ANKIB1: variants seen among roughly 807,000 people sequenced by gnomAD.
ANKIB1 encodes the protein ankyrin repeat and IBR domain-containing protein 1.
ANKIB1 carries 43 observed loss-of-function variants against 122.1 expected under a neutral mutation model. The observed-to-expected ratio is 0.35, with a 90% confidence interval of 0.28 to 0.45. The LOEUF is 0.45. Among genes scored for constraint, ANKIB1 ranks in the 20% least tolerant of loss-of-function variants. ANKIB1 has a pLI of 1.00. For missense variants in ANKIB1, 992 were observed against 1,329.5 expected (o/e 0.75, Z 3.95); for synonymous variants, 390 against 442.0 (o/e 0.88, Z 1.48).
chr7:92,325,988 T>C (rs1284964466), intron 4 of ANKIB1: 1 of 441,988 alleles, frequency 2.3e-6, no homozygotes, highest in African/African-American at 2.0e-5. Flanking sequence ...GCAGTTTATC[T>C]TTGCAACAGG....
chr7:92,260,064 T>G (rs1226770553), intron 1 of ANKIB1, among the ~76,000 whole-genome samples: 1 of 152,154 alleles, frequency 6.6e-6, no homozygotes, highest in Non-Finnish European at 1.5e-5. Flanking sequence ...GCTAGGCTAG[T>G]CCTGTTAAAT....
At chr7:92,283,993 TCTC>T (rs1802062170) in intron 1 of ANKIB1, among the ~76,000 whole-genome samples, 4 of 152,076 alleles carry the variant, frequency 2.6e-5, no homozygotes. Context: ...CTGGTCTCCA[TCTC>T]CTGACCTCGT....
At chr7:92,285,132 A>T (rs970158215) in intron 1 of ANKIB1, among the ~76,000 whole-genome samples, 1 of 152,126 alleles carries the variant, frequency 6.6e-6, no homozygotes, top group Admixed American at 6.5e-5. Flanking sequence ...CAGTGGCACT[A>T]TCTCGGCTCA....
chr7:92,328,760 C>G (rs2131958953), intron 5 of ANKIB1, among the ~76,000 whole-genome samples: 1 of 151,736 alleles, frequency 6.6e-6, no homozygotes, highest in South Asian at 2.1e-4. Context: ...TCTTTATGAT[C>G]TATACTAAAA....
Position 92,246,017 on chromosome 7 carries a change from G to A in ANKIB1, c.-593G>A, listed in dbSNP as rs553392669. On this transcript the variant is annotated 5_prime_UTR_variant, in exon 1 of 20. Coordinates refer to ENST00000265742, the MANE Select transcript of ANKIB1 (RefSeq NM_019004.2). ...CTGCCGTTCCTGCTCCTTTTCACTG[G>A]ACCTGCAGTCTCTCAGGGGCTGGTG... The A allele has an allele frequency of 2.3e-3, 604 of 257,024 alleles. 3 individuals are homozygous for A. Among genetic ancestry groups the A allele is most frequent in the Non-Finnish European group, 3.5e-3 (458 of 131,726 alleles). 15.9% of individuals were successfully genotyped at this position (257,024 alleles called of 1,614,324 possible).
rs541788043 is a variant in ANKIB1 at position 92,335,194 on chromosome 7, T to C, written c.787+7294T>C. Among the ~76,000 whole-genome samples the C allele has an allele frequency of 2.0e-5, 3 of 152,076 alleles. No individual in the cohort carries two copies. The East Asian group carries it at 5.8e-4, about 29-fold the overall frequency. On this transcript the variant is annotated intron_variant, in intron 5 of 19. Transcript: ENST00000265742. The stretch of plus-strand genomic sequence containing the variant: ...GCCTCATCTGTTATTTAGAATAATA[T>C]AGTCTAATTTTCAAATATTTGAGAT...
At chr7:92,310,019 A>G (rs1288678683) in intron 3 of ANKIB1, among the ~76,000 whole-genome samples, 1 of 148,496 alleles carries the variant, frequency 6.7e-6, no homozygotes, top group Non-Finnish European at 1.5e-5. Context: ...TTGCTTTAGT[A>G]GTTGTTGATT....
In ANKIB1 at chr7:92,352,572, T is replaced by C. The variant is rs1418222814; in HGVS notation, c.1327T>C (p.Ser443Pro). The C allele has an allele frequency of 6.2e-7, 1 of 1,613,552 alleles. No individual in the cohort carries two copies. The highest frequency in any genetic ancestry group is 1.7e-4 in the Middle Eastern group (1 of 6,060). ...GAAACAAGGGTCAAATACATCTGGA[T>C]CTGATACACTCAGCTTCCCATTGCT... ...LTKQGSNTSG[S>P]DTLSFPLLRA... Residue 443 changes from serine (S) to proline (P), a missense_variant, in exon 9 of 20, where the codon TCT becomes CCT. Ser to Pro is a moderately conservative substitution (Grantham distance 74). This residue lies in a region of ANKIB1 where 521 missense variants were observed against 777.7 expected (regional missense o/e 0.67). Coordinates refer to ENST00000265742, the MANE Select transcript of ANKIB1 (RefSeq NM_019004.2).
chr7:92,248,554 G>T (rs28437555), intron 1 of ANKIB1, among the ~76,000 whole-genome samples: 3,662 of 152,296 alleles, frequency 0.024, 158 homozygotes, highest in African/African-American at 0.084. Context: ...GAATGTCCTT[G>T]AAATGAAGTT....
intron 5 of ANKIB1, among the ~76,000 whole-genome samples, chr7:92,339,832 TTGTC>T (rs1220302675): frequency 2.0e-5 from 3 of 152,010 alleles, no homozygotes; most frequent in Admixed American, 2.0e-4. Context: ...AGTTTATAGG[TTGTC>T]TATCATTTTT....
chr7:92,309,656 G>A (rs1348287710), intron 3 of ANKIB1, among the ~76,000 whole-genome samples: 1 of 151,932 alleles, frequency 6.6e-6, no homozygotes, highest in East Asian at 1.9e-4. Context: ...GCCGGGCACG[G>A]TGGCTCACAC....
chr7:92,389,061 A>G (rs928057533), intron 14 of ANKIB1, among the ~76,000 whole-genome samples: 1 of 152,164 alleles, frequency 6.6e-6, no homozygotes, highest in Admixed American at 6.6e-5. Flanking sequence ...CCTTAACAAC[A>G]TTCAATATTT....
Position 92,343,235 on chromosome 7 carries a change from A to G in ANKIB1, c.996+3A>G. The G allele has an allele frequency of 6.2e-7, 1 of 1,611,582 alleles. No individual in the cohort carries two copies. Among genetic ancestry groups the G allele is most frequent in the Non-Finnish European group, 8.5e-7 (1 of 1,178,124 alleles). ...CTGGGGATTTAGACACCAGTTTGGT[A>G]TGGTTTGGTATTCACTGTACTTCTC... On this transcript the variant is annotated splice_donor_region_variant and intron_variant, in intron 6 of 19. Coordinates refer to ENST00000265742, the MANE Select transcript of ANKIB1 (RefSeq NM_019004.2).
At chr7:92,283,162 T>C (rs145161916) in intron 1 of ANKIB1, among the ~76,000 whole-genome samples, 109 of 152,304 alleles carry the variant, frequency 7.2e-4, no homozygotes, top group African/African-American at 2.5e-3. Flanking sequence ...GCCATAGATA[T>C]TTTTATTACT....
In ANKIB1 at chr7:92,260,157, A is replaced by G. The variant is rs372764710; in HGVS notation, c.-91+13638A>G. 2.6e-5 allele frequency among the ~76,000 whole-genome samples: 4 copies of G among 152,160 alleles called. No homozygotes were observed. In the South Asian group the frequency reaches 8.3e-4, roughly 32 times the overall value. On this transcript the variant is annotated intron_variant, in intron 1 of 19. Coordinates refer to ENST00000265742, the MANE Select transcript of ANKIB1 (RefSeq NM_019004.2). Reference sequence around the variant, plus strand: ...CGAGAATAAAAAGGTAGTGATTTACAGTGATCTTTAAGACCCTACCTACAC... The same window carrying G: ...CGAGAATAAAAAGGTAGTGATTTACGGTGATCTTTAAGACCCTACCTACAC...
At chr7:92,290,788 A>G (rs140582588) in intron 1 of ANKIB1, among the ~76,000 whole-genome samples, 2 of 152,148 alleles carry the variant, frequency 1.3e-5, no homozygotes, top group Non-Finnish European at 2.9e-5. Flanking sequence ...AGCTAGAATT[A>G]TACACTTATT....
intron 9 of ANKIB1, among the ~76,000 whole-genome samples, chr7:92,353,014 A>G (rs1410969438): frequency 6.6e-6 from 1 of 152,186 alleles, no homozygotes; most frequent in African/African-American, 2.4e-5. Context: ...AAACTATAAT[A>G]CCAAATTGCT....
intron 1 of ANKIB1, among the ~76,000 whole-genome samples, chr7:92,269,714 G>T (rs1052052318): frequency 6.6e-6 from 1 of 151,846 alleles, no homozygotes; most frequent in Admixed American, 6.6e-5. Flanking sequence ...CTACCTTGGT[G>T]TTGTATCTTC....
chr7:92,376,932 C>T (rs909255027), intron 11 of ANKIB1, among the ~76,000 whole-genome samples: 1 of 152,086 alleles, frequency 6.6e-6, no homozygotes, highest in Non-Finnish European at 1.5e-5. Flanking sequence ...CTCATTTGAT[C>T]CTCCATCCAG....
Sources: gnomAD v4.1 joint callset for allele counts (sites outside exome capture counted in the v4.1 genomes callset) on GRCh38, gnomAD v4.1.1 for gene constraint, gnomAD v4.1.1 regional missense constraint, MANE v1.5 for transcripts, NCBI Gene and HGNC (gene_info 2026-07-23, HGNC 2026-07-21) for gene names.